ANAPC1: variants seen among roughly 807,000 people sequenced by gnomAD.
ANAPC1 encodes the protein anaphase promoting complex subunit 1.
A neutral mutation model predicts 208.0 loss-of-function variants in ANAPC1; 36 were observed. The ratio of observed to expected loss-of-function variants is 0.17; its 90% CI spans 0.13 to 0.23. The LOEUF is 0.23. Ranked by LOEUF, ANAPC1 falls within the 10% of genes least tolerant of loss-of-function variation. The pLI, the probability that ANAPC1 is intolerant of heterozygous loss-of-function variation, is 1.00. For synonymous variants in ANAPC1, 378 were observed against 695.2 expected (o/e 0.54, Z 7.18); for missense variants, 942 against 2,011.6 (o/e 0.47, Z 10.17).
intron 17 of ANAPC1, among the ~76,000 whole-genome samples, chr2:111,839,886 C>T (rs1573436588): frequency 6.6e-6 from 1 of 152,234 alleles, no homozygotes; most frequent in East Asian, 1.9e-4. Context: ...AATCTTCACT[C>T]TTTCAATGTG....
intron 17 of ANAPC1, among the ~76,000 whole-genome samples, chr2:111,841,428 AG>A (rs752236351): frequency 4.1e-5 from 5 of 123,124 alleles, no homozygotes; most frequent in Non-Finnish European, 7.2e-5. Flanking sequence ...CTATAGAGAC[AG>A]GACAGGCAGC....
At chr2:111,875,200 T>C (rs1031872394) in intron 3 of ANAPC1, among the ~76,000 whole-genome samples, 5 of 152,268 alleles carry the variant, frequency 3.3e-5, no homozygotes, top group African/African-American at 1.2e-4. Context: ...ATGTGCTTAC[T>C]GACCATGTGT....
chr2:111,845,227 A>G, intron 16 of ANAPC1, among the ~76,000 whole-genome samples: 1 of 152,194 alleles, frequency 6.6e-6, no homozygotes, highest in East Asian at 1.9e-4. Flanking sequence ...GGCCAGGGCT[A>G]CCACTGTGAA....
intron 3 of ANAPC1, among the ~76,000 whole-genome samples, chr2:111,875,545 T>C (rs968234812): frequency 6.6e-6 from 1 of 152,170 alleles, no homozygotes; most frequent in African/African-American, 2.4e-5. Context: ...ATCTTTTACC[T>C]GAACAGTCAC....
rs961431331 is a variant in ANAPC1 at position 111,875,821 on chromosome 2, T to G, written c.376-2157A>C. On this transcript the variant is annotated intron_variant, in intron 3 of 47. Transcript: ENST00000341068. ...TCTGAAGTTTAAAAAGTCATCTTTT[T>G]CCATAATTCTTTTTGCTGTGATTTC... is the stretch of plus-strand genomic sequence containing the variant. 3.0e-4 allele frequency among the ~76,000 whole-genome samples: 46 copies of G among 152,216 alleles called. 2 individuals are homozygous for G. Among genetic ancestry groups the G allele is most frequent in the Non-Finnish European group, 2.9e-5 (2 of 68,052 alleles).
intron 37 of ANAPC1, among the ~76,000 whole-genome samples, chr2:111,792,795 T>C (rs377277634): frequency 0.11 from 16,355 of 148,840 alleles, 1,221 homozygotes; most frequent in Non-Finnish European, 0.15. Context: ...TACTAAAAAA[T>C]ACAAAAAGTT....
Position 111,869,121 on chromosome 2 carries a change from G to A in ANAPC1, c.612-1025C>T, listed in dbSNP as rs577976318. Among the ~76,000 whole-genome samples the A allele has an allele frequency of 2.6e-5, 4 of 152,304 alleles. No individual in the cohort carries two copies. In the South Asian group the frequency reaches 8.3e-4, roughly 32 times the overall value. On this transcript the variant is annotated intron_variant, in intron 6 of 47. Coordinates refer to ENST00000341068, the MANE Select transcript of ANAPC1 (RefSeq NM_022662.4). Reference sequence around the variant, plus strand: ...ATATACATTTAGCTACTTTAACTTTGCATAAGTCCTAAGAGGTAAATGATA... The same window carrying A: ...ATATACATTTAGCTACTTTAACTTTACATAAGTCCTAAGAGGTAAATGATA...
At chr2:111,837,595 G>A (rs188574820) in intron 18 of ANAPC1, among the ~76,000 whole-genome samples, 857 of 146,882 alleles carry the variant, frequency 5.8e-3, no homozygotes, top group African/African-American at 0.02. Flanking sequence ...TGGGCGATAA[G>A]GCGAGACTCC....
intron 1 of ANAPC1, among the ~76,000 whole-genome samples, chr2:111,883,176 A>AT: frequency 8.0e-6 from 1 of 125,204 alleles, no homozygotes; most frequent in South Asian, 2.9e-4. Context: ...AAAAAAAAAA[A>AT]AAAAAAGAAA....
At chr2:111,840,210 G>A (rs1336215045) in intron 17 of ANAPC1, among the ~76,000 whole-genome samples, 1 of 151,880 alleles carries the variant, frequency 6.6e-6, no homozygotes, top group Non-Finnish European at 1.5e-5. Flanking sequence ...ACAAAGAAAT[G>A]CCAAAAATTG....
chr2:111,821,608 G>A, intron 25 of ANAPC1, 155 bp from the exon 26 acceptor site: 1 of 609,122 alleles, frequency 1.6e-6, no homozygotes, highest in South Asian at 2.0e-5. Flanking sequence ...AATGTATACT[G>A]GGACTCTAAT....
intron 8 of ANAPC1, among the ~76,000 whole-genome samples, chr2:111,864,178 T>C (rs1028624044): frequency 6.6e-5 from 10 of 151,872 alleles, no homozygotes; most frequent in African/African-American, 2.4e-4. Context: ...AATTAAAAAT[T>C]AGCTGGGAGT....
intron 9 of ANAPC1, among the ~76,000 whole-genome samples, 196 bp from the exon 10 acceptor site, chr2:111,862,794 A>C: frequency 6.6e-6 from 1 of 152,070 alleles, no homozygotes; most frequent in East Asian, 1.9e-4. Context: ...TATTCTAAAG[A>C]TTTAGAATTA....
rs940521729 is a variant in ANAPC1 at position 111,864,474 on chromosome 2, T to C, written c.831+332A>G. Among the ~76,000 whole-genome samples, 5 of 140,158 alleles carry C rather than the reference T, an allele frequency of 3.6e-5. No homozygotes were observed. In the Admixed American group the frequency reaches 3.6e-4, roughly 10 times the overall value. The allele number at this position is 140,158 out of a possible 152,430, so 91.9% of individuals were successfully genotyped here. A position where few individuals can be genotyped will look rare whatever the true frequency, so the allele number is the denominator to read the frequency against. On this transcript the variant is annotated intron_variant, in intron 8 of 47. Transcript: ENST00000341068. ...CATATATATATATACTTTTTTTTTTTTTTTTTTTGAGATGGAGTCTCATTC... is the reference window on the plus strand; with the variant it reads ...CATATATATATATACTTTTTTTTTTCTTTTTTTTGAGATGGAGTCTCATTC...
chr2:111,877,584 T>A (rs1399717819), intron 3 of ANAPC1, among the ~76,000 whole-genome samples: 3 of 152,030 alleles, frequency 2.0e-5, no homozygotes, highest in Admixed American at 1.3e-4. Context: ...ATCGAGACCA[T>A]CCTGGCTAAC....
At chr2:111,860,973 T>C (rs1414633972) in intron 10 of ANAPC1, among the ~76,000 whole-genome samples, 1 of 152,238 alleles carries the variant, frequency 6.6e-6, no homozygotes, top group Non-Finnish European at 1.5e-5. Flanking sequence ...ATTCCACATT[T>C]ATTGTTCTGC....
At chr2:111,874,021 T>G (rs1247696352) in intron 3 of ANAPC1, among the ~76,000 whole-genome samples, 1 of 152,112 alleles carries the variant, frequency 6.6e-6, no homozygotes, top group Non-Finnish European at 1.5e-5. Flanking sequence ...TACTAAACCC[T>G]ATATCCTCTA....
intron 18 of ANAPC1, among the ~76,000 whole-genome samples, chr2:111,835,455 G>A (rs1680413058): frequency 6.6e-6 from 1 of 152,148 alleles, no homozygotes; most frequent in Non-Finnish European, 1.5e-5. Flanking sequence ...TCCAGATCTT[G>A]GAATTTACTG....
Position 111,880,732 on chromosome 2 carries a change from G to C in ANAPC1, c.94C>G (p.Pro32Ala), listed in dbSNP as rs1683256830. ...CGAAGTTGAAGGTTCAAAGCATTAGGGTGGTGCTTGCAGTGGTCTCGACCA... is the reference window on the plus strand; with the variant it reads ...CGAAGTTGAAGGTTCAAAGCATTAGCGTGGTGCTTGCAGTGGTCTCGACCA... ...PFGRDHCKHHPNALNLQLRQL... is the reference protein window; with the variant it reads ...PFGRDHCKHHANALNLQLRQL... Residue 32 changes from proline (P) to alanine (A), a missense_variant, in exon 2 of 48, where the codon CCT becomes GCT. By Grantham distance (27) the Pro-to-Ala change is conservative. Coordinates refer to ENST00000341068, the MANE Select transcript of ANAPC1 (RefSeq NM_022662.4). 6.2e-7 allele frequency: 1 copy of C among 1,613,896 alleles called. No homozygotes were observed. The highest frequency in any genetic ancestry group is 8.5e-7 in the Non-Finnish European group (1 of 1,179,856).
Sources: allele counts gnomAD v4.1 joint callset (sites outside exome capture counted in the v4.1 genomes callset), GRCh38; gene constraint gnomAD v4.1.1; transcripts MANE v1.5; gene names NCBI Gene and HGNC (gene_info 2026-07-23, HGNC 2026-07-21).